Variants in LPL observed in about 807,000 individuals in gnomAD.
The protein encoded by LPL is lipoprotein lipase.
LPL carries 43 observed loss-of-function variants against 52.2 expected under a neutral mutation model. The observed-to-expected ratio is 0.82, with a 90% CI of 0.64 to 1.06. The LOEUF (loss-of-function observed/expected upper bound fraction) is 1.06. Among genes scored for constraint, LPL ranks in the 50% least tolerant of loss-of-function variants. LPL has a pLI of 0.00. For missense variants in LPL, 639 were observed against 585.3 expected (o/e 1.09, Z -0.95); for synonymous variants, 244 against 215.6 (o/e 1.13, Z -1.15).
intron 1 of LPL, among the ~76,000 whole-genome samples, chr8:19,940,314 G>A (rs1453950476): frequency 6.6e-6 from 1 of 152,218 alleles, no homozygotes; most frequent in African/African-American, 2.4e-5. Flanking sequence ...GCCGACTCGG[G>A]GGGTTGCCAG....
At chr8:19,940,242 G>A (rs2069823097) in intron 1 of LPL, among the ~76,000 whole-genome samples, 1 of 152,240 alleles carries the variant, frequency 6.6e-6, no homozygotes, top group African/African-American at 2.4e-5. Context: ...TTAGTGCCCT[G>A]AGAACCCAGC....
chr8:19,958,775 A>T (rs192934442), intron 6 of LPL, among the ~76,000 whole-genome samples: 1 of 152,156 alleles, frequency 6.6e-6, no homozygotes, highest in South Asian at 2.1e-4. Flanking sequence ...TGATCCTGTG[A>T]CCGGAAGCCC....
intron 1 of LPL, among the ~76,000 whole-genome samples, chr8:19,940,797 A>G (rs2069831254): frequency 6.6e-6 from 1 of 152,232 alleles, no homozygotes; most frequent in African/African-American, 2.4e-5. Context: ...TTAGGTTAAA[A>G]AACAAAAAGT....
chr8:19,939,419 C>T lies in LPL; in HGVS notation c.-22C>T, dbSNP rs781321057. The T allele has an allele frequency of 6.3e-7, 1 of 1,595,804 alleles. No homozygotes were observed. Among genetic ancestry groups the T allele is most frequent in the Non-Finnish European group, 8.5e-7 (1 of 1,171,958 alleles). On this transcript the variant is annotated 5_prime_UTR_variant, in exon 1 of 10. Coordinates refer to ENST00000650287, the MANE Select transcript of LPL (RefSeq NM_000237.3). The surrounding 1 kb of genome is among the most constrained non-coding windows in gnomAD (Gnocchi z 4.0). ...TCAGTCGGTCCGCGCCTTGCAGCTC[C>T]TCCAGAGGGACGCGCCCCGAGATGG...
chr8:19,958,533 C>T (rs1350975406), intron 6 of LPL, among the ~76,000 whole-genome samples: 1 of 152,006 alleles, frequency 6.6e-6, no homozygotes, highest in Admixed American at 6.6e-5. Flanking sequence ...GTCCTTGTGG[C>T]CTCACTGATG....
intron 2 of LPL, among the ~76,000 whole-genome samples, chr8:19,948,905 T>C (rs1390404718): frequency 4.6e-5 from 7 of 151,614 alleles, no homozygotes; most frequent in Non-Finnish European, 1.0e-4. Flanking sequence ...AATTTTCCAG[T>C]TGTAAACTTT....
At chr8:19,959,572 C>T (rs1424081123) in intron 7 of LPL, among the ~76,000 whole-genome samples, 192 bp downstream of exon 7, 1 of 152,028 alleles carries the variant, frequency 6.6e-6, no homozygotes, top group East Asian at 1.9e-4. Context: ...ATTTTATTTT[C>T]ACTTACTAGT....
chr8:19,961,483 A>G (rs2070038926), intron 8 of LPL, among the ~76,000 whole-genome samples: 1 of 152,080 alleles, frequency 6.6e-6, no homozygotes, highest in Non-Finnish European at 1.5e-5. Flanking sequence ...TGAGATTCCA[A>G]GATAATCTCA....
chr8:19,958,561 C>CT (rs1010543111), intron 6 of LPL, among the ~76,000 whole-genome samples: 5 of 140,882 alleles, frequency 3.5e-5, no homozygotes, highest in African/African-American at 1.4e-4. Context: ...GAAATAAGTT[C>CT]TTTTTTAAAA....
intron 1 of LPL, among the ~76,000 whole-genome samples, chr8:19,947,910 C>A (rs892434119): frequency 6.6e-6 from 1 of 152,136 alleles, no homozygotes; most frequent in Admixed American, 6.6e-5. Flanking sequence ...CACACACATA[C>A]CCTGACTAAG....
chr8:19,963,157 A>G (rs1470830315), intron 9 of LPL, among the ~76,000 whole-genome samples: 1 of 152,226 alleles, frequency 6.6e-6, no homozygotes, highest in Non-Finnish European at 1.5e-5. Context: ...AATGTATAGA[A>G]TAAGAATTGC....
At chr8:19,940,682 A>C (rs1269565478) in intron 1 of LPL, among the ~76,000 whole-genome samples, 3 of 152,234 alleles carry the variant, frequency 2.0e-5, no homozygotes, top group Non-Finnish European at 4.4e-5. Flanking sequence ...ATGTGCTCTC[A>C]GGCGGCACGT....
At chr8:19,949,645 G>T (rs1255038871) in intron 2 of LPL, among the ~76,000 whole-genome samples, 1 of 152,030 alleles carries the variant, frequency 6.6e-6, no homozygotes, top group African/African-American at 2.4e-5. Flanking sequence ...ACCACACCCG[G>T]CCAATTTTTA....
chr8:19,956,527 G>T (rs2069987587), intron 6 of LPL, among the ~76,000 whole-genome samples: 1 of 152,150 alleles, frequency 6.6e-6, no homozygotes, highest in Non-Finnish European at 1.5e-5. Flanking sequence ...TGTGACATGG[G>T]AGTTTGTTGT....
intron 1 of LPL, among the ~76,000 whole-genome samples, chr8:19,946,267 C>T (rs367585963): frequency 6.6e-6 from 1 of 152,070 alleles, no homozygotes; most frequent in East Asian, 1.9e-4. Flanking sequence ...CCCATTGTAA[C>T]AAAACTCCTT....
In LPL at chr8:19,939,359, T is replaced by TCC; in HGVS notation, c.-81_-80dup. 7.2e-7 allele frequency: 1 copy of TCC among 1,393,874 alleles called. No individual in the cohort carries two copies. The allele number at this position is 1,393,874 out of a possible 1,614,324, so 86.3% of individuals were successfully genotyped here. ...GACTTGCTCAGCGCCAAACCGCGGC[T>TCC]CCAGCCCTCTCCAGCCTCCGGCTCA... On this transcript the variant is annotated 5_prime_UTR_variant, in exon 1 of 10. Coordinates refer to ENST00000650287, the MANE Select transcript of LPL (RefSeq NM_000237.3). This position sits in a 1 kb window ranked among gnomAD's most constrained non-coding sequence, Gnocchi z 4.0.
Position 19,948,048 on chromosome 8 carries a change from T to G in LPL, c.89-132T>G, listed in dbSNP as rs1260132093. 1.0e-5 allele frequency: 9 copies of G among 885,740 alleles called. No individual in the cohort carries two copies. In the Admixed American group the frequency reaches 1.6e-4, roughly 16 times the overall value. 54.9% of individuals were successfully genotyped at this position (885,740 alleles called of 1,614,324 possible). Reference sequence around the variant, plus strand: ...ATCTGTTGTTCTCTTGCAATCCACATTCGTTTTCGAAAACACTTCAGAAAC... The same window carrying G: ...ATCTGTTGTTCTCTTGCAATCCACAGTCGTTTTCGAAAACACTTCAGAAAC... On this transcript the variant is annotated intron_variant, in intron 1 of 9. Coordinates refer to ENST00000650287, the MANE Select transcript of LPL (RefSeq NM_000237.3).
Position 19,939,912 on chromosome 8 carries a change from G to A in LPL, c.88+384G>A, listed in dbSNP as rs1440912090. ...GGTGACCTGCAGTCACCTCTCTGCC[G>A]GAGGGGCCCTGGAATGAAAGGCGCG... On this transcript the variant is annotated intron_variant, in intron 1 of 9. Transcript: ENST00000650287. This position sits in a 1 kb window ranked among gnomAD's most constrained non-coding sequence, Gnocchi z 4.0. Among the ~76,000 whole-genome samples the A allele has an allele frequency of 6.6e-6, 1 of 152,180 alleles. No homozygotes were observed. The highest frequency in any genetic ancestry group is 1.5e-5 in the Non-Finnish European group (1 of 68,020).
intron 1 of LPL, among the ~76,000 whole-genome samples, chr8:19,942,419 T>C (rs2128835789): frequency 6.6e-6 from 1 of 152,320 alleles, no homozygotes; most frequent in Non-Finnish European, 1.5e-5. Flanking sequence ...TCATGATTTT[T>C]TAAGGTCTGG....
Sources: gnomAD v4.1 joint callset for allele counts (sites outside exome capture counted in the v4.1 genomes callset) on GRCh38, gnomAD v4.1.1 for gene constraint, Gnocchi (gnomAD v3.1) non-coding constraint, MANE v1.5 for transcripts, NCBI Gene and HGNC (gene_info 2026-07-23, HGNC 2026-07-21) for gene names.